The following RALYL variants were observed in gnomAD, a reference collection of about 807,000 sequenced individuals.
RALYL encodes RNA-binding Raly-like protein.
Under a neutral mutation model 35.1 loss-of-function variants are expected in RALYL, and 29 were observed. That is an observed-to-expected ratio of 0.83 (90% CI 0.61 to 1.13). RALYL has a LOEUF of 1.13. Among genes scored for constraint, RALYL ranks in the 50% most tolerant of loss-of-function variants. The probability of loss-of-function intolerance (pLI) is 0.00; values close to 1 mark genes in which losing one functional copy is unlikely to be tolerated. For missense variants in RALYL, 359 were observed against 360.4 expected (o/e 1.00, Z 0.03); for synonymous variants, 120 against 127.6 (o/e 0.94, Z 0.40).
At chr8:84,729,125 T>TGC (rs1845605268) in intron 2 of RALYL, among the ~76,000 whole-genome samples, 17 of 152,152 alleles carry the variant, frequency 1.1e-4, no homozygotes, top group Non-Finnish European at 2.9e-5. Flanking sequence ...TGTTCTTCCA[T>TGC]TTGTTTGTAT....
chr8:84,235,412 A>G (rs1457455149), intron 1 of RALYL, among the ~76,000 whole-genome samples: 1 of 152,196 alleles, frequency 6.6e-6, no homozygotes, highest in African/African-American at 2.4e-5. Flanking sequence ...TCATGTACCA[A>G]TTATATTTCA....
intron 2 of RALYL, among the ~76,000 whole-genome samples, chr8:84,548,310 T>C (rs1388940312): frequency 1.3e-5 from 2 of 152,164 alleles, no homozygotes; most frequent in African/African-American, 4.8e-5. Flanking sequence ...TTCTGTAATT[T>C]TCAAATATTT....
chr8:84,449,488 G>T (rs1277095762), intron 1 of RALYL, among the ~76,000 whole-genome samples: 2 of 151,790 alleles, frequency 1.3e-5, no homozygotes. Context: ...CTAAATCTAG[G>T]GGCTGAAAAA....
At chr8:84,254,740 A>G (rs1388790640) in intron 1 of RALYL, among the ~76,000 whole-genome samples, 1 of 102,124 alleles carries the variant, frequency 9.8e-6, no homozygotes, top group Non-Finnish European at 1.8e-5. Context: ...AGACTGGGTA[A>G]TTTATGAAAA....
intron 1 of RALYL, among the ~76,000 whole-genome samples, chr8:84,460,979 A>C (rs2050703883): frequency 6.6e-6 from 1 of 151,638 alleles, no homozygotes; most frequent in Non-Finnish European, 1.5e-5. Flanking sequence ...AGTACACCCA[A>C]AATATCAACA....
intron 3 of RALYL, among the ~76,000 whole-genome samples, chr8:84,798,345 T>TAACA (rs1158148910): frequency 3.3e-5 from 5 of 151,850 alleles, no homozygotes; most frequent in African/African-American, 1.2e-4. Context: ...AAAAAAGTAA[T>TAACA]AACAATGATG....
At chr8:84,207,943 A>G (rs1449379250) in intron 1 of RALYL, among the ~76,000 whole-genome samples, 1 of 152,110 alleles carries the variant, frequency 6.6e-6, no homozygotes, top group Non-Finnish European at 1.5e-5. Context: ...AAAAAGTTTC[A>G]TCAAAGTAGA....
intron 1 of RALYL, among the ~76,000 whole-genome samples, chr8:84,207,938 GT>G (rs1818472557): frequency 6.6e-6 from 1 of 151,944 alleles, no homozygotes; most frequent in Non-Finnish European, 1.5e-5. Flanking sequence ...AGGGAAAAAA[GT>G]TTCATCAAAG....
intron 2 of RALYL, among the ~76,000 whole-genome samples, chr8:84,536,654 G>A (rs992629477): frequency 4.6e-5 from 7 of 152,144 alleles, no homozygotes; most frequent in African/African-American, 1.7e-4. Flanking sequence ...TCCAAAGAAT[G>A]CTGCAGGTAA....
chr8:84,544,025 T>C (rs1167997973), intron 2 of RALYL, among the ~76,000 whole-genome samples: 1 of 152,046 alleles, frequency 6.6e-6, no homozygotes, highest in East Asian at 1.9e-4. Flanking sequence ...AACATCATTA[T>C]GATATCTGAA....
intron 1 of RALYL, among the ~76,000 whole-genome samples, chr8:84,207,082 T>C (rs1168663139): frequency 6.6e-6 from 1 of 152,108 alleles, no homozygotes; most frequent in South Asian, 2.1e-4. Flanking sequence ...TGTAGATTAG[T>C]ACAGCCATTA....
chr8:84,893,532 G>T (rs765692725), intron 8 of RALYL, among the ~76,000 whole-genome samples: 1 of 152,154 alleles, frequency 6.6e-6, no homozygotes. Flanking sequence ...CTCTCCTCAG[G>T]TGTATGAGAA....
At chr8:84,314,956 T>C (rs1030970579) in intron 1 of RALYL, among the ~76,000 whole-genome samples, 1 of 152,240 alleles carries the variant, frequency 6.6e-6, no homozygotes, top group Non-Finnish European at 1.5e-5. Flanking sequence ...AGTCACTCTT[T>C]GGTGCATAAC....
At chr8:84,558,381 C>G (rs1449827815) in intron 2 of RALYL, among the ~76,000 whole-genome samples, 1 of 152,070 alleles carries the variant, frequency 6.6e-6, no homozygotes, top group Non-Finnish European at 1.5e-5. Context: ...TTTGTAGTAT[C>G]TGTAAATCAT....
intron 1 of RALYL, among the ~76,000 whole-genome samples, chr8:84,265,752 G>A (rs1248249722): frequency 6.6e-6 from 1 of 152,028 alleles, no homozygotes; most frequent in Non-Finnish European, 1.5e-5. Flanking sequence ...TCAGGCAGCT[G>A]ATAACTCTGT....
At chr8:84,326,078 C>A (rs572268906) in intron 1 of RALYL, among the ~76,000 whole-genome samples, 3,843 of 152,244 alleles carry the variant, frequency 0.025, 154 homozygotes, top group African/African-American at 0.087. Context: ...TGCCACTGTA[C>A]TCCAGCCTGG....
intron 2 of RALYL, among the ~76,000 whole-genome samples, chr8:84,636,610 C>G (rs1462022029): frequency 6.6e-6 from 1 of 151,762 alleles, no homozygotes; most frequent in South Asian, 2.1e-4. Flanking sequence ...ACCACACTTT[C>G]TCCTTTCATC....
At chr8:84,852,133 T>A (rs1835979706) in intron 5 of RALYL, among the ~76,000 whole-genome samples, 1 of 152,176 alleles carries the variant, frequency 6.6e-6, no homozygotes, top group African/African-American at 2.4e-5. Flanking sequence ...TAACCAACTA[T>A]GTGAATATGC....
intron 2 of RALYL, among the ~76,000 whole-genome samples, chr8:84,757,327 C>T (rs904295445): frequency 4.6e-5 from 7 of 151,962 alleles, no homozygotes; most frequent in Non-Finnish European, 7.4e-5. Flanking sequence ...AAACTAGTTC[C>T]GATTTCACAG....
Sources: allele counts gnomAD v4.1 joint callset (sites outside exome capture counted in the v4.1 genomes callset), GRCh38; gene constraint gnomAD v4.1.1; transcripts MANE v1.5; gene names NCBI Gene and HGNC (gene_info 2026-07-23, HGNC 2026-07-21).